The following COL5A3 variants were observed in gnomAD, a reference collection of about 807,000 sequenced individuals.
The protein encoded by COL5A3 is collagen type V alpha 3 chain.
In COL5A3, 172 loss-of-function variants were observed where a neutral mutation model predicts 250.0. The observed-to-expected ratio is 0.69, with a 90% CI of 0.61 to 0.78. The LOEUF is 0.78. COL5A3 is among the 30% of genes least tolerant of loss of function. COL5A3 has a pLI of 0.00. For missense variants in COL5A3, 2,340 were observed against 2,334.4 expected (o/e 1.00, Z -0.05); for synonymous variants, 937 against 900.4 (o/e 1.04, Z -0.73).
rs76653582 is a variant in COL5A3, at chr19:9,968,022, T to C, written c.4368+4A>G. The C allele has an allele frequency of 6.3e-7, 1 of 1,592,636 alleles. No individual in the cohort carries two copies. The highest frequency in any genetic ancestry group is 8.5e-7 in the Non-Finnish European group (1 of 1,173,800). ...ATCCCACAAAAGATTCCCTGCATAC[T>C]CACCGCCACACCTGGGGGCCCAGGG... On this transcript the variant is annotated splice_donor_region_variant and intron_variant, in intron 60 of 66. Transcript: ENST00000264828. The surrounding 1 kb of genome is among the most constrained non-coding windows in gnomAD (Gnocchi z 4.1).
chr19:10,010,044 T>G (rs1304567178), intron 1 of COL5A3, among the ~76,000 whole-genome samples: 1 of 151,950 alleles, frequency 6.6e-6, no homozygotes, highest in Non-Finnish European at 1.5e-5. Flanking sequence ...CATACACACA[T>G]GCACACACCT....
In COL5A3 at chr19:10,006,065, C is replaced by G. The variant is rs1398323994; in HGVS notation, c.247+8G>C. On this transcript the variant is annotated splice_region_variant and intron_variant, in intron 2 of 66. Coordinates refer to ENST00000264828, the MANE Select transcript of COL5A3 (RefSeq NM_015719.4). ...GGGGAGGTACCCAGGCCTCCTACTC[C>G]AACTCACCTGGAAAGAGTTCCCACG... 1 of 1,613,660 alleles carries G rather than the reference C, an allele frequency of 6.2e-7. No homozygotes were observed. Among genetic ancestry groups the G allele is most frequent in the Non-Finnish European group, 8.5e-7 (1 of 1,179,698 alleles).
intron 54 of COL5A3, 88 bp from the exon 55 acceptor site, chr19:9,970,010 ATGAGTGGGGTCTGTAAGG>A (rs2086806231): frequency 2.4e-6 from 2 of 833,930 alleles, no homozygotes; most frequent in Non-Finnish European, 3.7e-6. Flanking sequence ...GGGGTTATGG[ATGAGTGGGGTCTGTAAGG>A]TGAGTGGGGT....
chr19:9,988,996 A>C, intron 27 of COL5A3, 128 bp downstream of exon 27: 1 of 924,614 alleles, frequency 1.1e-6, no homozygotes, highest in Admixed American at 1.8e-5. Flanking sequence ...TCCAAACCCC[A>C]GTCCCACTAC....
At chr19:9,962,040 A>G (rs1317622494) in intron 65 of COL5A3, among the ~76,000 whole-genome samples, 1 of 152,172 alleles carries the variant, frequency 6.6e-6, no homozygotes, top group Non-Finnish European at 1.5e-5. Flanking sequence ...ATTGTGATGT[A>G]CTATAAATGT....
chr19:9,988,996 A>T, intron 27 of COL5A3, 128 bp downstream of exon 27: 1 of 924,614 alleles, frequency 1.1e-6, no homozygotes, highest in Non-Finnish European at 1.8e-6. Context: ...TCCAAACCCC[A>T]GTCCCACTAC....
At chr19:9,985,334 C>T (rs187844067) in intron 31 of COL5A3, among the ~76,000 whole-genome samples, 63 of 150,106 alleles carry the variant, frequency 4.2e-4, no homozygotes, top group Middle Eastern at 7.0e-3. Flanking sequence ...AATCTCAGCT[C>T]ACCACAACCT....
intron 50 of COL5A3, 109 bp downstream of exon 50, chr19:9,973,461 G>A (rs2145076423): frequency 9.0e-7 from 1 of 1,112,924 alleles, no homozygotes; most frequent in Non-Finnish European, 1.3e-6. Context: ...CCACAGGACA[G>A]GGGTGAGTGG....
chr19:10,006,270 G>C (rs1220364319), intron 1 of COL5A3, 39 bp from the exon 2 acceptor site: 2 of 1,552,146 alleles, frequency 1.3e-6, no homozygotes, highest in Non-Finnish European at 1.7e-6. Flanking sequence ...GGCAGAGGTG[G>C]GGAACAGCTA....
At chr19:10,007,508 C>T (rs1568435183) in intron 1 of COL5A3, among the ~76,000 whole-genome samples, 2 of 152,258 alleles carry the variant, frequency 1.3e-5, no homozygotes, top group African/African-American at 4.8e-5. Context: ...AACCACATGG[C>T]TTGGGCAGGG....
chr19:9,977,827 A>G (rs1025625218), intron 41 of COL5A3, 126 bp from the exon 42 acceptor site: 10 of 685,642 alleles, frequency 1.5e-5, no homozygotes, highest in African/African-American at 1.3e-4. Flanking sequence ...CCCCTCCTGC[A>G]GCAGCCAGAG....
At chr19:9,963,171 C>A (rs2086694702) in intron 64 of COL5A3, among the ~76,000 whole-genome samples, 1 of 152,052 alleles carries the variant, frequency 6.6e-6, no homozygotes, top group South Asian at 2.1e-4. Flanking sequence ...TCCCAGGGCT[C>A]CCCAGTGGGA....
intron 64 of COL5A3, among the ~76,000 whole-genome samples, chr19:9,964,719 A>T (rs1313090758): frequency 6.6e-6 from 1 of 151,898 alleles, no homozygotes; most frequent in African/African-American, 2.4e-5. Context: ...ACATGTAGTC[A>T]GGGTTTAGTA....
intron 63 of COL5A3, 37 bp downstream of exon 63, chr19:9,966,499 C>G (rs2086748377): frequency 6.4e-7 from 1 of 1,554,154 alleles, no homozygotes; most frequent in Non-Finnish European, 8.7e-7. Context: ...CACACCCCCA[C>G]TCCGCCCATC....
intron 33 of COL5A3, 92 bp downstream of exon 33, chr19:9,980,996 T>C: frequency 6.5e-7 from 1 of 1,528,510 alleles, no homozygotes. Flanking sequence ...CCCAAACCCT[T>C]TCCCTGCCCA....
At chr19:9,969,230 T>C in intron 57 of COL5A3, 119 bp downstream of exon 57, 1 of 839,106 alleles carries the variant, frequency 1.2e-6, no homozygotes, top group African/African-American at 1.7e-5. Context: ...AGACAGGCAG[T>C]ATGGACACTC....
intron 62 of COL5A3, 58 bp from the exon 63 acceptor site, chr19:9,966,804 G>T: frequency 7.5e-7 from 1 of 1,338,758 alleles, no homozygotes; most frequent in Non-Finnish European, 1.0e-6. Flanking sequence ...GAGAGAGAGG[G>T]AGAAAGAGAG....
intron 6 of COL5A3, among the ~76,000 whole-genome samples, chr19:10,002,901 T>A (rs927421108): frequency 6.6e-6 from 1 of 152,050 alleles, no homozygotes; most frequent in Non-Finnish European, 1.5e-5. Flanking sequence ...GACCCCACTA[T>A]GACTTCCAGT....
intron 5 of COL5A3, 76 bp from the exon 6 acceptor site, chr19:10,003,790 G>A (rs1340130520): frequency 1.9e-6 from 3 of 1,576,522 alleles, no homozygotes; most frequent in Non-Finnish European, 1.7e-6. Flanking sequence ...CTGGGGTGAG[G>A]CTGGCTCATG....
Sources: gnomAD v4.1 joint callset for allele counts (sites outside exome capture counted in the v4.1 genomes callset) on GRCh38, gnomAD v4.1.1 for gene constraint, Gnocchi (gnomAD v3.1) non-coding constraint, MANE v1.5 for transcripts, NCBI Gene and HGNC (gene_info 2026-07-23, HGNC 2026-07-21) for gene names.